CNTN5: variants seen among roughly 807,000 people sequenced by gnomAD.
CNTN5 encodes contactin-5.
CNTN5 carries 77 observed loss-of-function variants against 129.1 expected under a neutral mutation model. The ratio of observed to expected loss-of-function variants is 0.60; its 90% CI spans 0.50 to 0.72. CNTN5 has a LOEUF of 0.72. CNTN5 is among the 30% of genes least tolerant of loss of function. CNTN5 has a pLI of 0.00. For missense variants in CNTN5, 1,478 were observed against 1,328.8 expected (o/e 1.11, Z -1.75); for synonymous variants, 509 against 465.6 (o/e 1.09, Z -1.20).
At chr11:99,919,847 G>A (rs890130937) in intron 7 of CNTN5, among the ~76,000 whole-genome samples, 3 of 132,590 alleles carry the variant, frequency 2.3e-5, no homozygotes, top group Non-Finnish European at 3.3e-5. Flanking sequence ...TTTAAGACAT[G>A]TTTTTGCCAT....
At chr11:99,406,369 G>A (rs1017076141) in intron 2 of CNTN5, among the ~76,000 whole-genome samples, 22 of 149,640 alleles carry the variant, frequency 1.5e-4, no homozygotes, top group African/African-American at 4.5e-4. Context: ...AGACATTCTT[G>A]TTCTTTTCCC....
chr11:100,279,708 A>C (rs1209875626), intron 18 of CNTN5, among the ~76,000 whole-genome samples: 2 of 150,268 alleles, frequency 1.3e-5, no homozygotes, highest in African/African-American at 4.9e-5. Context: ...TTTTTTTCTT[A>C]GTCTGGCTAA....
chr11:99,853,545 A>C (rs985678309), intron 6 of CNTN5, among the ~76,000 whole-genome samples: 1 of 152,002 alleles, frequency 6.6e-6, no homozygotes, highest in Admixed American at 6.6e-5. Context: ...GATTACAGGC[A>C]TGCGCCACCA....
chr11:99,467,514 C>T (rs1470035924), intron 2 of CNTN5, among the ~76,000 whole-genome samples: 1 of 152,010 alleles, frequency 6.6e-6, no homozygotes, highest in East Asian at 1.9e-4. Flanking sequence ...TTGTATAAAT[C>T]GTCTTCTCAT....
chr11:100,131,734 C>T (rs1164283506), intron 13 of CNTN5, among the ~76,000 whole-genome samples: 1 of 152,038 alleles, frequency 6.6e-6, no homozygotes, highest in Non-Finnish European at 1.5e-5. Context: ...AAGAAACTGG[C>T]TCATCATAAT....
intron 3 of CNTN5, among the ~76,000 whole-genome samples, chr11:99,742,136 A>T (rs562919003): frequency 6.6e-6 from 1 of 152,296 alleles, no homozygotes; most frequent in African/African-American, 2.4e-5. Flanking sequence ...TTCAGCAAGT[A>T]CTTTACTACT....
intron 1 of CNTN5, among the ~76,000 whole-genome samples, chr11:99,077,989 TTTCTCTTC>T (rs1865644731): frequency 2.6e-5 from 4 of 152,166 alleles, no homozygotes; most frequent in African/African-American, 9.7e-5. Flanking sequence ...AAGCTTTCTT[TTTCTCTTC>T]AATAAGCCTT....
chr11:99,649,874 G>A (rs1016820783), intron 3 of CNTN5, among the ~76,000 whole-genome samples: 13 of 151,564 alleles, frequency 8.6e-5, no homozygotes, highest in African/African-American at 3.1e-4. Context: ...TACAAAAATT[G>A]TTTGTATTTT....
At chr11:100,265,955 A>G (rs1303583067) in intron 17 of CNTN5, among the ~76,000 whole-genome samples, 1 of 152,176 alleles carries the variant, frequency 6.6e-6, no homozygotes, top group Non-Finnish European at 1.5e-5. Context: ...GCCTATAATC[A>G]TAGAATTCAT....
rs185558224 is a variant in CNTN5 at position 99,671,136 on chromosome 11, C to T, written c.55+114867C>T. Among the ~76,000 whole-genome samples the T allele has an allele frequency of 1.6e-4, 19 of 119,048 alleles. No homozygotes were observed. The East Asian group carries it at 4.9e-3, about 31-fold the overall frequency. The allele number at this position is 119,048 out of a possible 152,430, so 78.1% of individuals were successfully genotyped here. A position where few individuals can be genotyped will look rare whatever the true frequency, so the allele number is the denominator to read the frequency against. On this transcript the variant is annotated intron_variant, in intron 3 of 24. Coordinates refer to ENST00000524871, the MANE Select transcript of CNTN5 (RefSeq NM_014361.4). The stretch of plus-strand genomic sequence containing the variant: ...TCTTGCTCTCTCTCTCTTGGCTTCC[C>T]ATGTAGATTGAGTTTTTTTTTTTTT...
At chr11:99,100,277 C>G (rs1866660071) in intron 1 of CNTN5, among the ~76,000 whole-genome samples, 1 of 151,806 alleles carries the variant, frequency 6.6e-6, no homozygotes, top group African/African-American at 2.4e-5. Context: ...CCAAGGAAAA[C>G]AATAGATAAG....
chr11:99,706,475 C>A (rs1465344160), intron 3 of CNTN5, among the ~76,000 whole-genome samples: 1 of 151,428 alleles, frequency 6.6e-6, no homozygotes, highest in East Asian at 1.9e-4. Context: ...GCAGATATAT[C>A]AGCATTTGGA....
intron 1 of CNTN5, among the ~76,000 whole-genome samples, chr11:99,101,112 G>A (rs989186505): frequency 6.6e-6 from 1 of 152,172 alleles, no homozygotes; most frequent in Non-Finnish European, 1.5e-5. Flanking sequence ...GCAAGAGAGA[G>A]AAGGAGAACC....
intron 3 of CNTN5, among the ~76,000 whole-genome samples, chr11:99,568,341 G>C (rs1949072409): frequency 6.6e-6 from 1 of 152,054 alleles, no homozygotes; most frequent in Non-Finnish European, 1.5e-5. Flanking sequence ...ATTATATCAA[G>C]TGTCCATGAG....
intron 3 of CNTN5, among the ~76,000 whole-genome samples, chr11:99,658,946 A>G (rs1452189058): frequency 6.6e-6 from 1 of 151,324 alleles, no homozygotes; most frequent in Non-Finnish European, 1.5e-5. Flanking sequence ...CCTGTCTAGA[A>G]CCCTCTTCCT....
chr11:99,800,132 T>G (rs925359819), intron 3 of CNTN5, among the ~76,000 whole-genome samples: 1 of 152,106 alleles, frequency 6.6e-6, no homozygotes, highest in Non-Finnish European at 1.5e-5. Flanking sequence ...CGCTGCTGTT[T>G]TTGCATCCCA....
chr11:100,346,759 A>T (rs1304668195), intron 23 of CNTN5, among the ~76,000 whole-genome samples: 1 of 152,142 alleles, frequency 6.6e-6, no homozygotes, highest in African/African-American at 2.4e-5. Context: ...GTTATTATAC[A>T]GTCCATCAAT....
intron 6 of CNTN5, among the ~76,000 whole-genome samples, chr11:99,867,600 A>G (rs1202213931): frequency 2.0e-5 from 3 of 152,120 alleles, no homozygotes; most frequent in South Asian, 2.1e-4. Context: ...AGCTAGAACC[A>G]TAGCATCTCT....
intron 6 of CNTN5, among the ~76,000 whole-genome samples, chr11:99,858,552 T>G (rs1019981053): frequency 2.6e-5 from 4 of 151,776 alleles, no homozygotes; most frequent in Non-Finnish European, 4.4e-5. Flanking sequence ...TATCAATGTT[T>G]CCCTATCCTC....
Sources: gnomAD v4.1 joint callset for allele counts (sites outside exome capture counted in the v4.1 genomes callset) on GRCh38, gnomAD v4.1.1 for gene constraint, MANE v1.5 for transcripts, NCBI Gene and HGNC (gene_info 2026-07-23, HGNC 2026-07-21) for gene names.